Variants in NR3C1 observed in about 807,000 individuals in gnomAD.
NR3C1 encodes nuclear receptor subfamily 3 group C member 1.
A neutral mutation model predicts 74.0 loss-of-function variants in NR3C1; 14 were observed. That is an observed-to-expected ratio of 0.19 (90% confidence interval 0.12 to 0.30). NR3C1 has a LOEUF of 0.30. Among genes scored for constraint, NR3C1 ranks in the 10% least tolerant of loss-of-function variants. The probability of loss-of-function intolerance (pLI) is 1.00; values close to 1 mark genes in which losing one functional copy is unlikely to be tolerated. For missense variants in NR3C1, 695 were observed against 909.8 expected, an observed-to-expected ratio of 0.76 and a Z score of 3.04; for synonymous variants, 308 against 332.5, an observed-to-expected ratio of 0.93 and a Z score of 0.80.
rs10482646 is a variant in NR3C1 at position 143,347,564 on chromosome 5, C to T, written c.1185-33396G>A. Among the ~76,000 whole-genome samples, 827 of 152,252 alleles carry T rather than the reference C, an allele frequency of 5.4e-3. 5 individuals carry two copies. The highest frequency in any genetic ancestry group is 0.022 in the East Asian group (116 of 5,184). On this transcript the variant is annotated intron_variant, in intron 2 of 8. Transcript: ENST00000394464. ...TGACTTTCTGGGAAATCCATTTTAC[C>T]ATTATAGAACTGGAGATTGCCAAGG...
chr5:143,318,303 C>T (rs1273211354), intron 2 of NR3C1, among the ~76,000 whole-genome samples: 5 of 152,060 alleles, frequency 3.3e-5, no homozygotes, highest in African/African-American at 7.2e-5. Context: ...TGGACAATTT[C>T]GTTTTTTAAA....
chr5:143,374,239 T>C (rs896671212), intron 2 of NR3C1, among the ~76,000 whole-genome samples: 5 of 152,108 alleles, frequency 3.3e-5, no homozygotes, highest in Non-Finnish European at 7.4e-5. Context: ...ACGCCTGTAA[T>C]CCCAGCACTT....
chr5:143,365,084 CAAAG>C (rs1359922734), intron 2 of NR3C1, among the ~76,000 whole-genome samples: 2 of 151,338 alleles, frequency 1.3e-5, no homozygotes, highest in Non-Finnish European at 3.0e-5. Context: ...AAAGAAATGA[CAAAG>C]AAATTAAAAT....
intron 2 of NR3C1, among the ~76,000 whole-genome samples, chr5:143,352,355 TATA>T (rs1184758329): frequency 6.6e-6 from 1 of 152,196 alleles, no homozygotes; most frequent in African/African-American, 2.4e-5. Context: ...CTGAGATTGG[TATA>T]ATGAGTTTTC....
At chr5:143,354,744 G>T (rs1830815986) in intron 2 of NR3C1, among the ~76,000 whole-genome samples, 1 of 151,982 alleles carries the variant, frequency 6.6e-6, no homozygotes, top group African/African-American at 2.4e-5. Flanking sequence ...CCAACATGGG[G>T]AATCCCCATC....
At chr5:143,362,779 T>TGAC (rs1300108392) in intron 2 of NR3C1, among the ~76,000 whole-genome samples, 1 of 152,210 alleles carries the variant, frequency 6.6e-6, no homozygotes, top group Non-Finnish European at 1.5e-5. Flanking sequence ...CTGGGGCACA[T>TGAC]GACGGGTGGA....
Position 143,280,581 on chromosome 5 carries a change from C to T in NR3C1, c.*1308G>A, listed in dbSNP as rs1008909203. 2 of 152,582 alleles carry T rather than the reference C, an allele frequency of 1.3e-5. No individual in the cohort carries two copies. Among genetic ancestry groups the T allele is most frequent in the African/African-American group, 4.8e-5 (2 of 41,448 alleles). The allele number at this position is 152,582 out of a possible 1,614,324, so 9.5% of individuals were successfully genotyped here. On this transcript the variant is annotated 3_prime_UTR_variant, in exon 9 of 9. Transcript: ENST00000394464. Reference sequence around the variant, plus strand: ...TTCAACAGTGAAGAAATTCACAGGACTTGTGTTAAACTCTATGGCACACAT... The same window carrying T: ...TTCAACAGTGAAGAAATTCACAGGATTTGTGTTAAACTCTATGGCACACAT...
chr5:143,429,706 G>T (rs1035268629), intron 1 of NR3C1, among the ~76,000 whole-genome samples: 1 of 152,146 alleles, frequency 6.6e-6, no homozygotes, highest in Non-Finnish European at 1.5e-5. Flanking sequence ...AACAATAAAA[G>T]TTGGAAATGA....
intron 2 of NR3C1, among the ~76,000 whole-genome samples, chr5:143,396,765 C>G (rs1839267356): frequency 6.6e-6 from 1 of 151,770 alleles, no homozygotes. Flanking sequence ...ATAATCCCTC[C>G]CTTCAGGATA....
At chr5:143,290,265 T>C (rs1815548661) in intron 7 of NR3C1, among the ~76,000 whole-genome samples, 1 of 152,246 alleles carries the variant, frequency 6.6e-6, no homozygotes, top group Non-Finnish European at 1.5e-5. Context: ...TTGCAGCCTG[T>C]ATTTGTAAAT....
chr5:143,401,207 G>T (rs114032235), intron 1 of NR3C1: 1 of 256,182 alleles, frequency 3.9e-6, no homozygotes, highest in Non-Finnish European at 7.6e-6. Context: ...TCAAGTTGAT[G>T]TCAAAGTATT....
chr5:143,374,870 G>A (rs1049500754), intron 2 of NR3C1, among the ~76,000 whole-genome samples: 16 of 152,110 alleles, frequency 1.1e-4, no homozygotes, highest in Non-Finnish European at 1.6e-4. Flanking sequence ...ACACATACAT[G>A]CACTCACATG....
intron 1 of NR3C1, among the ~76,000 whole-genome samples, chr5:143,430,724 A>G (rs1444213500): frequency 6.6e-6 from 1 of 152,188 alleles, no homozygotes; most frequent in African/African-American, 2.4e-5. Context: ...TTGATCTTGG[A>G]CTTCACAGCC....
At chr5:143,415,795 A>G (rs1841457155) in intron 1 of NR3C1, among the ~76,000 whole-genome samples, 1 of 152,220 alleles carries the variant, frequency 6.6e-6, no homozygotes, top group African/African-American at 2.4e-5. Context: ...GTGATTTGCA[A>G]CAATTATCAA....
At chr5:143,404,410 C>A, upstream of NR3C1, 1 of 985,588 alleles carries the variant, frequency 1.0e-6, no homozygotes, top group Non-Finnish European at 1.2e-6. Flanking sequence ...CCGGCAGGTC[C>A]CCCACCACCG....
chr5:143,282,653 T>C lies in NR3C1; in HGVS notation c.2096A>G (p.Lys699Arg). The change falls in exon 8 of 9, where the codon AAA becomes AGA. Residue 699 changes from lysine (K) to arginine (R), a missense_variant. Transcript: ENST00000394464. ...IRMTYIKELG[K>R]AIVKREGNSS... ...GTTTCCTTCCCTCTTGACAATGGCTTTTCCTAGCTCTTTGATGTAGGTCAT... is the reference window on the plus strand; with the variant it reads ...GTTTCCTTCCCTCTTGACAATGGCTCTTCCTAGCTCTTTGATGTAGGTCAT... 1 of 1,614,076 alleles carries C rather than the reference T, an allele frequency of 6.2e-7. No individual in the cohort carries two copies. Among genetic ancestry groups the C allele is most frequent in the Non-Finnish European group, 8.5e-7 (1 of 1,179,962 alleles).
chr5:143,431,639 T>C (rs1162715736), intron 1 of NR3C1, among the ~76,000 whole-genome samples: 1 of 152,120 alleles, frequency 6.6e-6, no homozygotes, highest in Non-Finnish European at 1.5e-5. Context: ...GTTCTGCACA[T>C]GTATCCCAGA....
intron 2 of NR3C1, among the ~76,000 whole-genome samples, chr5:143,360,804 T>C (rs1021647578): frequency 6.6e-6 from 1 of 152,162 alleles, no homozygotes; most frequent in Non-Finnish European, 1.5e-5. Flanking sequence ...ATATCAACAG[T>C]AAGCAGAGTG....
chr5:143,374,536 G>C (rs889487979), intron 2 of NR3C1, among the ~76,000 whole-genome samples: 1 of 151,764 alleles, frequency 6.6e-6, no homozygotes, highest in Non-Finnish European at 1.5e-5. Context: ...GATCAGGTGG[G>C]TGATCATCCA....
Sources: allele counts gnomAD v4.1 joint callset (sites outside exome capture counted in the v4.1 genomes callset), GRCh38; gene constraint gnomAD v4.1.1; transcripts MANE v1.5; gene names NCBI Gene and HGNC (gene_info 2026-07-23, HGNC 2026-07-21).